VAV2: variants seen among roughly 807,000 people sequenced by gnomAD.
The protein encoded by VAV2 is guanine nucleotide exchange factor VAV2.
A neutral mutation model predicts 132.5 loss-of-function variants in VAV2; 67 were observed. That is an observed-to-expected ratio of 0.51 (90% CI 0.42 to 0.62). VAV2 has a LOEUF of 0.62. VAV2 is among the 20% of genes least tolerant of loss of function. VAV2 has a pLI of 0.00. For missense variants in VAV2, 938 were observed against 1,153.6 expected, an observed-to-expected ratio of 0.81 and a Z score of 2.71; for synonymous variants, 492 against 443.5, an observed-to-expected ratio of 1.11 and a Z score of -1.37.
intron 3 of VAV2, among the ~76,000 whole-genome samples, chr9:133,855,939 T>G (rs762762218): frequency 6.6e-6 from 1 of 152,014 alleles, no homozygotes; most frequent in African/African-American, 2.4e-5. Context: ...ATACGCAAAA[T>G]ATGGCCTAGC....
At chr9:133,917,906 G>A (rs1324897891) in intron 2 of VAV2, among the ~76,000 whole-genome samples, 9 of 128,626 alleles carry the variant, frequency 7.0e-5, no homozygotes, top group East Asian at 2.6e-4. Flanking sequence ...CTGGTCCCCC[G>A]CCCTGGTCCC....
rs1564363833 is a variant in VAV2, at chr9:133,804,719, G to T, written c.836+1362C>A. ...CTGCTGAGGACTGGGGCGACAGCCA[G>T]TGTGACCTGCCAGCCGGGCACTATC... On this transcript the variant is annotated intron_variant, in intron 9 of 29. Transcript: ENST00000371850. This position sits in a 1 kb window ranked among gnomAD's most constrained non-coding sequence, Gnocchi z 4.5. Among the ~76,000 whole-genome samples the T allele has an allele frequency of 6.6e-6, 1 of 152,218 alleles. No individual in the cohort carries two copies. Among genetic ancestry groups the T allele is most frequent in the Non-Finnish European group, 1.5e-5 (1 of 68,038 alleles).
chr9:133,839,751 C>A (rs1023128895), intron 3 of VAV2, among the ~76,000 whole-genome samples: 12 of 152,318 alleles, frequency 7.9e-5, no homozygotes, highest in Middle Eastern at 3.4e-3. Context: ...GCCCAGCCTA[C>A]ACGAGGAGGC....
At chr9:133,916,402 T>C (rs917945801) in intron 2 of VAV2, among the ~76,000 whole-genome samples, 1 of 152,190 alleles carries the variant, frequency 6.6e-6, no homozygotes, top group Non-Finnish European at 1.5e-5. Context: ...AAAGGGAAGG[T>C]GGTGGGTGCC....
rs368888448 is a variant in VAV2, at chr9:133,953,152, G to C, written c.205-13933C>G. ...GGCAGCACAGCCCTGCCAACACCTA[G>C]AGCTTCCAGAGGGAGCACAGCCCTG... On this transcript the variant is annotated intron_variant, in intron 1 of 29. Coordinates refer to ENST00000371850, the MANE Select transcript of VAV2 (RefSeq NM_001134398.2). Among the ~76,000 whole-genome samples, 133 of 152,172 alleles carry C rather than the reference G, an allele frequency of 8.7e-4. 2 individuals carry two copies. Among genetic ancestry groups the C allele is most frequent in the African/African-American group, 3.0e-3 (123 of 41,530 alleles).
intron 2 of VAV2, chr9:133,925,824 G>A (rs536466043): frequency 1.8e-4 from 28 of 152,104 alleles, no homozygotes; most frequent in African/African-American, 6.8e-4. Context: ...ATGACACTTC[G>A]TTATAATTAA....
chr9:133,765,856 G>C (rs551792170), intron 29 of VAV2, among the ~76,000 whole-genome samples: 1 of 152,270 alleles, frequency 6.6e-6, no homozygotes, highest in Admixed American at 6.5e-5. Context: ...TAAAGCAAAT[G>C]GGGCAAAACA....
intron 4 of VAV2, among the ~76,000 whole-genome samples, chr9:133,822,818 T>G (rs1476883906): frequency 1.3e-5 from 2 of 152,038 alleles, no homozygotes; most frequent in Non-Finnish European, 2.9e-5. Context: ...GAACAGCCCC[T>G]GGGCCAGGTC....
chr9:133,783,075 C>T (rs887932072), intron 19 of VAV2, among the ~76,000 whole-genome samples: 2 of 152,152 alleles, frequency 1.3e-5, no homozygotes, highest in African/African-American at 4.8e-5. Context: ...GTGTCTGAAC[C>T]ATTTACTAAC....
chr9:133,825,231 G>A (rs960465312), intron 4 of VAV2, among the ~76,000 whole-genome samples: 2 of 152,158 alleles, frequency 1.3e-5, no homozygotes, highest in South Asian at 2.1e-4. Context: ...TTTCTGTCCC[G>A]GCCATCACCC....
At chr9:133,934,504 C>G (rs1840832635) in intron 2 of VAV2, among the ~76,000 whole-genome samples, 3 of 152,186 alleles carry the variant, frequency 2.0e-5, no homozygotes, top group African/African-American at 7.2e-5. Context: ...GCGGCACCAT[C>G]CAAGCAGCTG....
chr9:133,905,761 G>A (rs183898523), intron 2 of VAV2, among the ~76,000 whole-genome samples: 12 of 152,250 alleles, frequency 7.9e-5, no homozygotes, highest in South Asian at 2.1e-4. Context: ...ATAGCTGGGC[G>A]AGGTGACTCA....
At chr9:133,865,119 G>A (rs745330604) in intron 2 of VAV2, among the ~76,000 whole-genome samples, 9 of 152,114 alleles carry the variant, frequency 5.9e-5, no homozygotes, top group Admixed American at 2.0e-4. Flanking sequence ...AAAACACTTC[G>A]GCATTTTTAC....
chr9:133,971,725 C>A (rs994192973), intron 1 of VAV2, among the ~76,000 whole-genome samples: 2 of 152,130 alleles, frequency 1.3e-5, no homozygotes, highest in Non-Finnish European at 2.9e-5. Context: ...GTGGGCTGAG[C>A]CAGTCACGGG....
At chr9:133,978,102 C>T (rs1039779533) in intron 1 of VAV2, among the ~76,000 whole-genome samples, 1 of 152,214 alleles carries the variant, frequency 6.6e-6, no homozygotes, top group Non-Finnish European at 1.5e-5. Flanking sequence ...AGACCAGGAG[C>T]GGGGAGGCAC....
At chr9:133,966,252 C>T (rs568803338) in intron 1 of VAV2, among the ~76,000 whole-genome samples, 22 of 152,224 alleles carry the variant, frequency 1.4e-4, no homozygotes, top group African/African-American at 4.6e-4. Flanking sequence ...ACCTCAAAAG[C>T]GGACAGAACA....
chr9:133,927,523 C>G (rs529306532), intron 2 of VAV2, among the ~76,000 whole-genome samples: 1 of 152,242 alleles, frequency 6.6e-6, no homozygotes, highest in East Asian at 1.9e-4. Context: ...CTAGGTGGCC[C>G]GTGGGGCCTG....
At chr9:133,939,021 A>G in intron 2 of VAV2, 82 bp downstream of exon 2, 3 of 1,317,686 alleles carry the variant, frequency 2.3e-6, no homozygotes, top group Non-Finnish European at 3.3e-6. Flanking sequence ...AGGCTGCTCC[A>G]TGGATCTGGC....
chr9:133,905,996 C>A (rs185750778), intron 2 of VAV2, among the ~76,000 whole-genome samples: 1 of 152,072 alleles, frequency 6.6e-6, no homozygotes, highest in Non-Finnish European at 1.5e-5. Flanking sequence ...GCCATGATCG[C>A]GCCACTGAAT....
Sources: gnomAD v4.1 joint callset for allele counts (sites outside exome capture counted in the v4.1 genomes callset) on GRCh38, gnomAD v4.1.1 for gene constraint, Gnocchi (gnomAD v3.1) non-coding constraint, MANE v1.5 for transcripts, NCBI Gene and HGNC (gene_info 2026-07-23, HGNC 2026-07-21) for gene names.